MACROD2: variants seen among roughly 807,000 people sequenced by gnomAD.
MACROD2 encodes the protein mono-ADP ribosylhydrolase 2.
In MACROD2, 36 loss-of-function variants were observed where a neutral mutation model predicts 70.4. The ratio of observed to expected loss-of-function variants is 0.51; its 90% CI spans 0.39 to 0.68. The LOEUF is 0.68. Ranked by LOEUF, MACROD2 falls within the 30% of genes least tolerant of loss-of-function variation. The probability of loss-of-function intolerance (pLI) is 0.00; values close to 1 mark genes in which losing one functional copy is unlikely to be tolerated. For synonymous variants in MACROD2, 172 were observed against 178.8 expected, an observed-to-expected ratio of 0.96 and a Z score of 0.30; for missense variants, 496 against 538.4, an observed-to-expected ratio of 0.92 and a Z score of 0.78.
intron 8 of MACROD2, among the ~76,000 whole-genome samples, chr20:15,855,737 T>C (rs1345584379): frequency 6.6e-6 from 1 of 152,208 alleles, no homozygotes; most frequent in African/African-American, 2.4e-5. Context: ...ATTTTGCCTC[T>C]TTCTATAAGG....
intron 8 of MACROD2, among the ~76,000 whole-genome samples, chr20:15,801,543 A>T (rs1298195016): frequency 6.6e-6 from 1 of 151,328 alleles, no homozygotes. Flanking sequence ...AGTCTCTATT[A>T]TCTTCCATTA....
chr20:14,553,685 G>GCAGT (rs1245149461), intron 4 of MACROD2, among the ~76,000 whole-genome samples: 3 of 152,030 alleles, frequency 2.0e-5, no homozygotes, highest in Non-Finnish European at 4.4e-5. Context: ...CCTTGTATAT[G>GCAGT]CAGTCCATCA....
intron 8 of MACROD2, among the ~76,000 whole-genome samples, chr20:15,618,628 G>A (rs1251609194): frequency 1.4e-5 from 2 of 148,108 alleles, no homozygotes; most frequent in African/African-American, 2.5e-5. Flanking sequence ...CTTAGCCCAA[G>A]GGGCTCCATG....
chr20:15,641,442 A>G (rs1278734389), intron 8 of MACROD2, among the ~76,000 whole-genome samples: 1 of 152,204 alleles, frequency 6.6e-6, no homozygotes, highest in African/African-American at 2.4e-5. Context: ...TATGGAGGAC[A>G]TGCTTTGCTG....
intron 7 of MACROD2, among the ~76,000 whole-genome samples, chr20:15,436,962 C>G (rs967441610): frequency 6.6e-6 from 1 of 152,100 alleles, no homozygotes; most frequent in African/African-American, 2.4e-5. Context: ...CCCATCTGCC[C>G]AGGAGCCTTT....
In MACROD2 at chr20:14,182,030, A is replaced by G. The variant is rs369672848; in HGVS notation, c.271+96302A>G. Among the ~76,000 whole-genome samples the G allele has an allele frequency of 2.2e-4, 33 of 152,272 alleles. No individual in the cohort carries two copies. The East Asian group carries it at 6.2e-3, about 29-fold the overall frequency. The stretch of plus-strand genomic sequence containing the variant: ...AGGAGTGGAATTGCTGTCATGTGCT[A>G]ACTCTATGTTTAACCTTTTGAAGAA... On this transcript the variant is annotated intron_variant, in intron 3 of 17. Transcript: ENST00000684519.
At chr20:14,111,950 A>G (rs1397318134) in intron 3 of MACROD2, among the ~76,000 whole-genome samples, 1 of 152,090 alleles carries the variant, frequency 6.6e-6, no homozygotes, top group South Asian at 2.1e-4. Context: ...ATTTGGAAGC[A>G]GCCTAAGTGC....
chr20:14,078,301 A>G (rs1697190772), intron 2 of MACROD2, among the ~76,000 whole-genome samples: 1 of 152,202 alleles, frequency 6.6e-6, no homozygotes, highest in African/African-American at 2.4e-5. Context: ...TCTCCTTTTA[A>G]GAGAACTTAA....
intron 1 of MACROD2, among the ~76,000 whole-genome samples, chr20:14,000,059 C>G (rs1251048855): frequency 1.3e-5 from 2 of 152,230 alleles, no homozygotes; most frequent in Non-Finnish European, 1.5e-5. Context: ...GTACCAGGAA[C>G]TTGCACCCAT....
At chr20:14,340,571 G>A (rs572517732) in intron 3 of MACROD2, among the ~76,000 whole-genome samples, 2 of 152,196 alleles carry the variant, frequency 1.3e-5, no homozygotes, top group South Asian at 2.1e-4. Flanking sequence ...GAATAGAAGA[G>A]CATTTCATTG....
At chr20:15,840,360 A>T (rs2064157077) in intron 8 of MACROD2, among the ~76,000 whole-genome samples, 2 of 152,186 alleles carry the variant, frequency 1.3e-5, no homozygotes, top group Non-Finnish European at 2.9e-5. Flanking sequence ...CAGCTTTGCA[A>T]CTTGCCGGGG....
At chr20:14,146,872 A>G (rs1187896008) in intron 3 of MACROD2, among the ~76,000 whole-genome samples, 1 of 152,314 alleles carries the variant, frequency 6.6e-6, no homozygotes, top group Non-Finnish European at 1.5e-5. Flanking sequence ...CTTCTCAAAC[A>G]TTGCCATCTA....
At position 15,986,721 on chromosome 20, in the gene MACROD2, G is replaced by T. The variant is rs1352514509; in HGVS notation, c.986-6G>T. The T allele has an allele frequency of 1.0e-5, 16 of 1,606,468 alleles. No individual in the cohort carries two copies. The highest frequency in any genetic ancestry group is 2.2e-5 in the South Asian group (2 of 90,586). ...TCTTTTATTTTTCAATCACTGTTTT[G>T]AACAGGACAAGAGAATGATTCAACG... is the stretch of plus-strand genomic sequence containing the variant. On this transcript the variant is annotated splice_region_variant and splice_polypyrimidine_tract_variant and intron_variant, in intron 13 of 17. Transcript: ENST00000684519.
At chr20:14,701,393 T>C (rs2071194871) in intron 5 of MACROD2, among the ~76,000 whole-genome samples, 1 of 152,204 alleles carries the variant, frequency 6.6e-6, no homozygotes, top group Non-Finnish European at 1.5e-5. Context: ...TGAACATTTA[T>C]ACTTCTAAAA....
At chr20:14,227,786 A>G (rs190287090) in intron 3 of MACROD2, among the ~76,000 whole-genome samples, 181 of 152,320 alleles carry the variant, frequency 1.2e-3, no homozygotes, top group Admixed American at 3.7e-3. Context: ...AAATTAATTT[A>G]TGGACCATAC....
At chr20:15,945,713 G>A (rs1379972515) in intron 12 of MACROD2, among the ~76,000 whole-genome samples, 1 of 152,110 alleles carries the variant, frequency 6.6e-6, no homozygotes, top group Non-Finnish European at 1.5e-5. Context: ...AGTCATCAGT[G>A]TTATTATCCC....
At chr20:14,506,721 TG>T (rs2084973012) in intron 4 of MACROD2, among the ~76,000 whole-genome samples, 1 of 152,056 alleles carries the variant, frequency 6.6e-6, no homozygotes, top group Non-Finnish European at 1.5e-5. Flanking sequence ...GAGGCTGAGG[TG>T]GACAGACAAC....
chr20:15,827,514 A>T (rs1300357084), intron 8 of MACROD2, among the ~76,000 whole-genome samples: 2 of 152,202 alleles, frequency 1.3e-5, no homozygotes, highest in Non-Finnish European at 2.9e-5. Context: ...TTTCTTCAAA[A>T]CCTACCTGAC....
At chr20:14,539,856 A>G (rs767827807) in intron 4 of MACROD2, among the ~76,000 whole-genome samples, 3 of 152,146 alleles carry the variant, frequency 2.0e-5, no homozygotes, top group Non-Finnish European at 4.4e-5. Flanking sequence ...ATTTTTTTCC[A>G]CTGGTTAGTA....
Sources: allele counts gnomAD v4.1 joint callset (sites outside exome capture counted in the v4.1 genomes callset), GRCh38; gene constraint gnomAD v4.1.1; transcripts MANE v1.5; gene names NCBI Gene and HGNC (gene_info 2026-07-23, HGNC 2026-07-21).